Variants in CFAP251 observed in about 807,000 individuals in gnomAD.
The protein encoded by CFAP251 is cilia and flagella associated protein 251, also known as cilia- and flagella-associated protein 251.
Under a neutral mutation model 126.7 loss-of-function variants are expected in CFAP251, and 93 were observed. That is an observed-to-expected ratio of 0.73 (90% CI 0.62 to 0.87). The LOEUF (loss-of-function observed/expected upper bound fraction) is 0.87, where lower values mean the gene tolerates loss of function less well. CFAP251 is among the 40% of genes least tolerant of loss of function. The probability of loss-of-function intolerance (pLI) is 0.00; values close to 1 mark genes in which losing one functional copy is unlikely to be tolerated. For synonymous variants in CFAP251, 503 were observed against 506.9 expected (o/e 0.99, Z 0.10); for missense variants, 1,287 against 1,389.2 (o/e 0.93, Z 1.17).
At chr12:121,961,835 C>T in intron 14 of CFAP251, 143 bp from the exon 15 acceptor site, 2 of 789,520 alleles carry the variant, frequency 2.5e-6, no homozygotes, top group Non-Finnish European at 4.0e-6. Flanking sequence ...CAAGTCTTCT[C>T]TTAGGAGACC....
In CFAP251 at chr12:121,948,892, GT is replaced by G. The variant is rs1233438564; in HGVS notation, c.1192-88del. ...TTCTGTTTTATATTCCTACTCATTT[GT>G]TTTAATTAAAATTATTATTTAATTT... On this transcript the variant is annotated intron_variant, in intron 7 of 21. Coordinates refer to ENST00000288912, the MANE Select transcript of CFAP251 (RefSeq NM_144668.6). 8.2e-6 allele frequency: 6 copies of G among 731,926 alleles called. No individual in the cohort carries two copies. The African/African-American group carries it at 1.1e-4, about 14-fold the overall frequency. The allele number at this position is 731,926 out of a possible 1,614,324, so 45.3% of individuals were successfully genotyped here. A position where few individuals can be genotyped will look rare whatever the true frequency, so the allele number is the denominator to read the frequency against.
intron 10 of CFAP251, among the ~76,000 whole-genome samples, chr12:121,956,567 C>T (rs947006131): frequency 1.3e-5 from 2 of 152,196 alleles, no homozygotes; most frequent in Non-Finnish European, 2.9e-5. Flanking sequence ...GCAATCTCGG[C>T]TCACTGCAAG....
chr12:121,924,738 T>C (rs1481212633), intron 3 of CFAP251, among the ~76,000 whole-genome samples: 1 of 152,162 alleles, frequency 6.6e-6, no homozygotes, highest in Non-Finnish European at 1.5e-5. Flanking sequence ...CCTAGACTTG[T>C]GTCTTTTAAA....
At chr12:121,919,125 T>TTTTATTA (rs1555215090) in intron 1 of CFAP251, among the ~76,000 whole-genome samples, 4 of 79,650 alleles carry the variant, frequency 5.0e-5, no homozygotes, top group African/African-American at 7.7e-5. Flanking sequence ...TCATTATTTA[T>TTTTATTA]TTATTATTAT....
intron 15 of CFAP251, among the ~76,000 whole-genome samples, chr12:121,965,608 C>A (rs892746046): frequency 6.6e-6 from 1 of 152,006 alleles, no homozygotes; most frequent in African/African-American, 2.4e-5. Context: ...AAGAGTAAGA[C>A]AGCTCTCTGT....
At chr12:121,978,470 T>C (rs1882537613) in intron 19 of CFAP251, among the ~76,000 whole-genome samples, 1 of 151,402 alleles carries the variant, frequency 6.6e-6, no homozygotes, top group Admixed American at 6.6e-5. Context: ...TTTTTAACTT[T>C]TTCTAATTTA....
At position 121,961,974 on chromosome 12, in the gene CFAP251, G is replaced by A. The variant is rs1320917484; in HGVS notation, c.2308-4G>A. 6.2e-7 allele frequency: 1 copy of A among 1,612,696 alleles called. No homozygotes were observed. Among genetic ancestry groups the A allele is most frequent in the East Asian group, 2.2e-5 (1 of 44,882 alleles). ...CATGTGTGTCCATCTGGGCTCCTCT[G>A]CAGATAGAGTATGATCTTCTCAGGA... is the stretch of plus-strand genomic sequence containing the variant. On this transcript the variant is annotated splice_region_variant and splice_polypyrimidine_tract_variant and intron_variant, in intron 14 of 21. Coordinates refer to ENST00000288912, the MANE Select transcript of CFAP251 (RefSeq NM_144668.6).
At chr12:121,969,417 C>T in intron 17 of CFAP251, 1 of 985,390 alleles carries the variant, frequency 1.0e-6, no homozygotes, top group East Asian at 1.1e-4. Flanking sequence ...TGGTTCCTTG[C>T]TCCCTGGCTT....
chr12:121,983,396 CAA>C (rs10713983), intron 19 of CFAP251, among the ~76,000 whole-genome samples: 1,842 of 69,890 alleles, frequency 0.026, 38 homozygotes, highest in African/African-American at 0.086. Flanking sequence ...CATAGCTCTC[CAA>C]AAAAAAAAAA....
intron 3 of CFAP251, among the ~76,000 whole-genome samples, chr12:121,928,220 C>A (rs547611022): frequency 6.6e-6 from 1 of 152,254 alleles, no homozygotes; most frequent in African/African-American, 2.4e-5. Context: ...TCCAAAAGAA[C>A]AATTTCATTT....
chr12:121,959,940 A>C (rs1402603260), intron 13 of CFAP251, among the ~76,000 whole-genome samples: 1 of 151,210 alleles, frequency 6.6e-6, no homozygotes, highest in Non-Finnish European at 1.5e-5. Flanking sequence ...CCTGGGCAAC[A>C]TGGTGAGACA....
chr12:122,002,296 A>G (rs1052920442), intron 21 of CFAP251, among the ~76,000 whole-genome samples: 2 of 151,836 alleles, frequency 1.3e-5, no homozygotes, highest in East Asian at 3.9e-4. Context: ...TGGAGGTTGC[A>G]GTGAGCCGAG....
intron 1 of CFAP251, among the ~76,000 whole-genome samples, chr12:121,920,542 G>A (rs1433504082): frequency 2.0e-5 from 3 of 151,834 alleles, no homozygotes; most frequent in Non-Finnish European, 4.4e-5. Flanking sequence ...GACTACAGGC[G>A]CCCACCGCCA....
At position 121,921,155 on chromosome 12, in the gene CFAP251, A is replaced by C. The variant is rs2004863; in HGVS notation, c.-20-131A>C. On this transcript the variant is annotated intron_variant, in intron 1 of 21. Transcript: ENST00000288912. ...TGAGCCACCGTGCCTGGTCAGAAAC[A>C]TGACATTCTTTTTATTCCTATGGAA... 5.6e-6 allele frequency: 6 copies of C among 1,076,884 alleles called. No individual in the cohort carries two copies. In the African/African-American group the frequency reaches 9.7e-5, roughly 17 times the overall value. 66.7% of individuals were successfully genotyped at this position (1,076,884 alleles called of 1,614,324 possible).
rs892129216 is a variant in CFAP251, at chr12:121,989,454, G to A, written c.3007-10262G>A. 3.3e-5 allele frequency among the ~76,000 whole-genome samples: 5 copies of A among 152,272 alleles called. No individual in the cohort carries two copies. The highest frequency in any genetic ancestry group is 1.2e-4 in the African/African-American group (5 of 41,476). ...AGTCGCCATCCAGATCTAGTTCCTG[G>A]AGGGAGGTATGGAGCAGTTGGGGTC... On this transcript the variant is annotated intron_variant, in intron 19 of 21. Coordinates refer to ENST00000288912, the MANE Select transcript of CFAP251 (RefSeq NM_144668.6). The surrounding 1 kb of genome is among the most constrained non-coding windows in gnomAD (Gnocchi z 4.2).
intron 4 of CFAP251, chr12:121,933,245 G>A (rs1359233547): frequency 1.3e-5 from 2 of 152,294 alleles, no homozygotes; most frequent in Non-Finnish European, 2.9e-5. Flanking sequence ...GAGTGGGCAG[G>A]GATTGAAGAG....
In CFAP251 at chr12:121,954,110, T is replaced by A. The variant is rs1164121355; in HGVS notation, c.1321-10T>A. 10 of 1,612,066 alleles carry A rather than the reference T, an allele frequency of 6.2e-6. No homozygotes were observed. The highest frequency in any genetic ancestry group is 8.5e-6 in the Non-Finnish European group (10 of 1,178,504). On this transcript the variant is annotated splice_polypyrimidine_tract_variant and intron_variant, in intron 9 of 21. Transcript: ENST00000288912. ...TACCAACAGTAACTATAACCTTTCT[T>A]TTGAAACAGACCTTCAACAAGCTTG...
At chr12:121,985,502 C>T (rs1225570588) in intron 19 of CFAP251, among the ~76,000 whole-genome samples, 2 of 144,000 alleles carry the variant, frequency 1.4e-5, no homozygotes, top group African/African-American at 2.7e-5. Flanking sequence ...CCACCATACT[C>T]TCCAGCCTGG....
intron 13 of CFAP251, among the ~76,000 whole-genome samples, chr12:121,960,266 C>G (rs1198721282): frequency 2.6e-5 from 4 of 151,684 alleles, no homozygotes; most frequent in African/African-American, 9.7e-5. Context: ...CTCTGTTGTA[C>G]AGGCTGAAGT....
Sources: gnomAD v4.1 joint callset for allele counts (sites outside exome capture counted in the v4.1 genomes callset) on GRCh38, gnomAD v4.1.1 for gene constraint, Gnocchi (gnomAD v3.1) non-coding constraint, MANE v1.5 for transcripts, NCBI Gene and HGNC (gene_info 2026-07-23, HGNC 2026-07-21) for gene names.